Variants in TMEM154 observed in about 807,000 individuals in gnomAD.
TMEM154 encodes transmembrane protein 154.
TMEM154 carries 27 observed loss-of-function variants against 24.5 expected under a neutral mutation model. That is an observed-to-expected ratio of 1.10 (90% CI 0.81 to 1.52). The LOEUF (loss-of-function observed/expected upper bound fraction) is 1.52. Ranked by LOEUF, TMEM154 falls within the 40% of genes most tolerant of loss-of-function variation. The pLI is 0.00. For missense variants in TMEM154, 228 were observed against 213.4 expected, an observed-to-expected ratio of 1.07 and a Z score of -0.43; for synonymous variants, 67 against 76.8, an observed-to-expected ratio of 0.87 and a Z score of 0.67.
At chr4:152,663,206 C>T (rs1321622206) in intron 1 of TMEM154, among the ~76,000 whole-genome samples, 1 of 152,188 alleles carries the variant, frequency 6.6e-6, no homozygotes, top group Non-Finnish European at 1.5e-5. Flanking sequence ...CTCTTTCCCC[C>T]ATCTCTGTAC....
At chr4:152,639,109 C>T (rs1752203982) in intron 6 of TMEM154, among the ~76,000 whole-genome samples, 1 of 152,144 alleles carries the variant, frequency 6.6e-6, no homozygotes, top group Non-Finnish European at 1.5e-5. Context: ...CGCCACAACG[C>T]CTGGCTAATT....
intron 3 of TMEM154, among the ~76,000 whole-genome samples, chr4:152,646,085 C>T (rs765205319): frequency 3.1e-4 from 47 of 151,984 alleles, no homozygotes; most frequent in Non-Finnish European, 5.9e-4. Context: ...GCAGGTGACC[C>T]GTAAAGCTCC....
At chr4:152,671,365 C>T (rs1323480925) in intron 1 of TMEM154, among the ~76,000 whole-genome samples, 4 of 152,008 alleles carry the variant, frequency 2.6e-5, no homozygotes, top group Non-Finnish European at 5.9e-5. Context: ...GAAATGATTC[C>T]ATTTTTATTG....
At chr4:152,674,456 T>C (rs749633358) in intron 1 of TMEM154, among the ~76,000 whole-genome samples, 12 of 152,336 alleles carry the variant, frequency 7.9e-5, no homozygotes, top group Middle Eastern at 3.4e-3. Flanking sequence ...TATTCCTTTC[T>C]TCTTTCTTGA....
chr4:152,652,982 T>C, intron 1 of TMEM154, 55 bp from the exon 2 acceptor site: 2 of 1,485,130 alleles, frequency 1.3e-6, no homozygotes, highest in Admixed American at 2.4e-5. Context: ...TAGTATGTTA[T>C]ATTGTCAATG....
intron 6 of TMEM154, among the ~76,000 whole-genome samples, chr4:152,639,133 T>A (rs1311929786): frequency 6.6e-6 from 1 of 152,114 alleles, no homozygotes; most frequent in Non-Finnish European, 1.5e-5. Context: ...GTATTTTTAG[T>A]AGAGATGGAG....
At chr4:152,641,836 T>C (rs1211255509) in intron 5 of TMEM154, among the ~76,000 whole-genome samples, 1 of 150,676 alleles carries the variant, frequency 6.6e-6, no homozygotes, top group African/African-American at 2.4e-5. Context: ...CTGTTAGAAA[T>C]TGTACAAGTT....
chr4:152,668,691 G>A (rs1728769779), intron 1 of TMEM154: 1 of 152,362 alleles, frequency 6.6e-6, no homozygotes, highest in South Asian at 2.1e-4. Flanking sequence ...ACCAGGGAAC[G>A]CTGTGGGCTG....
intron 1 of TMEM154, among the ~76,000 whole-genome samples, chr4:152,676,294 A>G (rs1009478453): frequency 6.6e-6 from 1 of 152,198 alleles, no homozygotes; most frequent in Non-Finnish European, 1.5e-5. Flanking sequence ...CCTAGCCAAG[A>G]GTTCTGTGCT....
chr4:152,670,636 A>G (rs1728818372), intron 1 of TMEM154, among the ~76,000 whole-genome samples: 1 of 152,254 alleles, frequency 6.6e-6, no homozygotes, highest in East Asian at 1.9e-4. Flanking sequence ...TAAATAAAAG[A>G]TTTGGGATAG....
At chr4:152,645,339 G>C (rs575433357) in intron 3 of TMEM154, among the ~76,000 whole-genome samples, 1 of 152,320 alleles carries the variant, frequency 6.6e-6, no homozygotes, top group South Asian at 2.1e-4. Context: ...ACTTAGCATA[G>C]TGAAACTTCC....
chr4:152,654,050 GAAAAAGA>G (rs1438424857), intron 1 of TMEM154, among the ~76,000 whole-genome samples: 2 of 142,582 alleles, frequency 1.4e-5, no homozygotes, highest in African/African-American at 5.1e-5. Flanking sequence ...AAAAAAAAAA[GAAAAAGA>G]AAAAAGAAAA....
At chr4:152,653,459 A>G (rs1319327958) in intron 1 of TMEM154, among the ~76,000 whole-genome samples, 1 of 146,406 alleles carries the variant, frequency 6.8e-6, no homozygotes, top group Non-Finnish European at 1.5e-5. Context: ...GCATGATCTC[A>G]GCTCACTGCA....
At chr4:152,632,646 A>G (rs757950482) in intron 6 of TMEM154, among the ~76,000 whole-genome samples, 4 of 152,186 alleles carry the variant, frequency 2.6e-5, no homozygotes, top group African/African-American at 9.6e-5. Context: ...TGAACATTTT[A>G]TATTATCACC....
At chr4:152,653,943 G>A (rs527424781) in intron 1 of TMEM154, among the ~76,000 whole-genome samples, 1 of 151,560 alleles carries the variant, frequency 6.6e-6, no homozygotes, top group Admixed American at 6.6e-5. Flanking sequence ...GGAGGCTGAG[G>A]CAAGAGAATT....
At position 152,622,310 on chromosome 4, in the gene TMEM154, C is replaced by T. The variant is rs995768375; in HGVS notation, c.*6236G>A. 12 of 152,030 alleles carry T rather than the reference C, an allele frequency of 7.9e-5. No individual in the cohort carries two copies. Among genetic ancestry groups the T allele is most frequent in the Admixed American group, 2.6e-4 (4 of 15,256 alleles). The allele number at this position is 152,030 out of a possible 1,614,324, so 9.4% of individuals were successfully genotyped here. ...GCCCCTTTTTGAATTGGTATTGTTTCGTTTATTTAAAGAATTATATGGATC... is the reference window on the plus strand; with the variant it reads ...GCCCCTTTTTGAATTGGTATTGTTTTGTTTATTTAAAGAATTATATGGATC... On this transcript the variant is annotated 3_prime_UTR_variant, in exon 7 of 7. Transcript: ENST00000304385.
chr4:152,656,079 A>G (rs889144250), intron 1 of TMEM154, among the ~76,000 whole-genome samples: 1 of 152,046 alleles, frequency 6.6e-6, no homozygotes, highest in Non-Finnish European at 1.5e-5. Flanking sequence ...TGCTGCCACC[A>G]TCATAGTTGG....
At chr4:152,635,351 A>G (rs1260817421) in intron 6 of TMEM154, among the ~76,000 whole-genome samples, 1 of 152,248 alleles carries the variant, frequency 6.6e-6, no homozygotes, top group Non-Finnish European at 1.5e-5. Flanking sequence ...GAATGAAAAT[A>G]CATTTTTAAA....
chr4:152,667,888 C>T (rs916431880), intron 1 of TMEM154, among the ~76,000 whole-genome samples: 3 of 152,216 alleles, frequency 2.0e-5, no homozygotes, highest in Admixed American at 6.5e-5. Context: ...GGAAATTACT[C>T]GTTAGGGTTT....
Sources: gnomAD v4.1 joint callset for allele counts (sites outside exome capture counted in the v4.1 genomes callset) on GRCh38, gnomAD v4.1.1 for gene constraint, MANE v1.5 for transcripts, NCBI Gene and HGNC (gene_info 2026-07-23, HGNC 2026-07-21) for gene names.